TBCE: variants seen among roughly 807,000 people sequenced by gnomAD.
TBCE encodes the protein tubulin-specific chaperone E.
TBCE carries 53 observed loss-of-function variants against 77.0 expected under a neutral mutation model. The ratio of observed to expected loss-of-function variants is 0.69; its 90% CI spans 0.55 to 0.87. The LOEUF is 0.87. TBCE is among the 40% of genes least tolerant of loss of function. The probability of loss-of-function intolerance (pLI) is 0.00; values close to 1 mark genes in which losing one functional copy is unlikely to be tolerated. For missense variants in TBCE, 624 were observed against 622.4 expected (o/e 1.00, Z -0.03); for synonymous variants, 235 against 241.3 (o/e 0.97, Z 0.24).
At position 235,441,815 on chromosome 1, in the gene TBCE, A is replaced by G. The variant is rs1476074749; in HGVS notation, c.1272A>G (p.Lys424=). ...CATCTCTTTTGCTTTCTTAAACAGA[A>G]TATGGTGCACCTGAAGATTGGGAAC... is the stretch of plus-strand genomic sequence containing the variant. ...AHPRYQFLCL[K]YGAPEDWELK... Residue 424 remains lysine, a splice_region_variant and synonymous_variant, in exon 14 of 17, where the codon AAA becomes AAG. Transcript: ENST00000642610. 1 of 1,613,894 alleles carries G rather than the reference A, an allele frequency of 6.2e-7. No individual in the cohort carries two copies. The highest frequency in any genetic ancestry group is 8.5e-7 in the Non-Finnish European group (1 of 1,179,868).
At chr1:235,404,881 C>G (rs1302497782) in intron 3 of TBCE, among the ~76,000 whole-genome samples, 1 of 151,436 alleles carries the variant, frequency 6.6e-6, no homozygotes, top group Non-Finnish European at 1.5e-5. Flanking sequence ...AGGCTGGTGT[C>G]GAACCCCTGA....
intron 2 of TBCE, among the ~76,000 whole-genome samples, chr1:235,395,548 C>CTTT (rs71174424): frequency 2.2e-5 from 3 of 138,388 alleles, no homozygotes; most frequent in Non-Finnish European, 3.1e-5. Flanking sequence ...TCTTCTTCTT[C>CTTT]TTTTTTTTTT....
At chr1:235,403,144 T>G (rs1186082624) in intron 3 of TBCE, among the ~76,000 whole-genome samples, 1 of 152,182 alleles carries the variant, frequency 6.6e-6, no homozygotes, top group Non-Finnish European at 1.5e-5. Flanking sequence ...GAGAAATATT[T>G]TAGCCAGGCC....
chr1:235,434,041 C>T lies in TBCE; in HGVS notation c.661-163C>T. 7.0e-6 allele frequency: 5 copies of T among 714,290 alleles called. No individual in the cohort carries two copies. In the Admixed American group the frequency reaches 7.9e-5, roughly 11 times the overall value. 44.2% of individuals were successfully genotyped at this position (714,290 alleles called of 1,614,324 possible). On this transcript the variant is annotated intron_variant, in intron 7 of 16. Coordinates refer to ENST00000642610, the MANE Select transcript of TBCE (RefSeq NM_003193.5). Reference sequence around the variant, plus strand: ...ACCCCCTTAACATTTTATTTATCACCCCCCACCACTATTCCAGGCCTGAAA... The same window carrying T: ...ACCCCCTTAACATTTTATTTATCACTCCCCACCACTATTCCAGGCCTGAAA...
In TBCE at chr1:235,419,888, A is replaced by C. The variant is rs4659523; in HGVS notation, c.460+327A>C. ...GGATCACGAGGTTAGGAGATCGAGAACATCCTGGCCAACATGGTGAAACCT... is the reference window on the plus strand; with the variant it reads ...GGATCACGAGGTTAGGAGATCGAGACCATCCTGGCCAACATGGTGAAACCT... On this transcript the variant is annotated intron_variant, in intron 5 of 16. Transcript: ENST00000642610. Among the ~76,000 whole-genome samples, 110,811 of 151,832 alleles carry C rather than the reference A, an allele frequency of 0.73. 41,683 individuals are homozygous for C. Among genetic ancestry groups the C allele is most frequent in the African/African-American group, 0.92 (38,325 of 41,452 alleles).
intron 1 of TBCE, among the ~76,000 whole-genome samples, chr1:235,379,197 G>A (rs1677469563): frequency 6.6e-6 from 1 of 151,706 alleles, no homozygotes; most frequent in African/African-American, 2.4e-5. Context: ...CTACTTTCAT[G>A]CTATCAGTTA....
intron 15 of TBCE, among the ~76,000 whole-genome samples, chr1:235,445,593 G>A (rs903232123): frequency 6.6e-6 from 1 of 152,118 alleles, no homozygotes; most frequent in Non-Finnish European, 1.5e-5. Context: ...CTGTGATTGA[G>A]CCACTGCAAT....
intron 3 of TBCE, among the ~76,000 whole-genome samples, chr1:235,410,249 A>G (rs913937257): frequency 1.3e-5 from 2 of 152,024 alleles, no homozygotes; most frequent in African/African-American, 4.8e-5. Context: ...TCTATCTCCA[A>G]AAAAAATTAT....
chr1:235,376,967 T>TA (rs938542267), intron 1 of TBCE, among the ~76,000 whole-genome samples: 65 of 146,834 alleles, frequency 4.4e-4, no homozygotes, highest in Middle Eastern at 3.6e-3. Flanking sequence ...CCGTCTCAAT[T>TA]AAAAAAAAAA....
chr1:235,402,441 G>A (rs970840130), intron 3 of TBCE, among the ~76,000 whole-genome samples: 23 of 152,134 alleles, frequency 1.5e-4, no homozygotes, highest in African/African-American at 5.1e-4. Flanking sequence ...GGGTGCTGGG[G>A]AGCCTTCAGG....
chr1:235,413,847 GAT>G (rs1491122288), intron 3 of TBCE: 2 of 122,422 alleles, frequency 1.6e-5, no homozygotes, highest in Admixed American at 9.3e-5. Flanking sequence ...ATCCACCTAC[GAT>G]TTTTTTTTTT....
intron 2 of TBCE, among the ~76,000 whole-genome samples, chr1:235,392,899 C>T (rs1164355131): frequency 1.3e-5 from 2 of 151,850 alleles, no homozygotes; most frequent in Non-Finnish European, 2.9e-5. Context: ...GGCCTGTAGT[C>T]CCAGCTACTG....
chr1:235,445,460 C>T (rs1376624916), intron 15 of TBCE, among the ~76,000 whole-genome samples: 2 of 152,070 alleles, frequency 1.3e-5, no homozygotes, highest in Non-Finnish European at 2.9e-5. Flanking sequence ...GAAACCCCGT[C>T]TCTACAAAAA....
intron 4 of TBCE, chr1:235,415,362 G>A (rs905100808): frequency 1.3e-5 from 2 of 152,250 alleles, no homozygotes; most frequent in Non-Finnish European, 2.9e-5. Context: ...TGTACAAGGA[G>A]GCTTTCTAGT....
intron 3 of TBCE, among the ~76,000 whole-genome samples, chr1:235,402,077 T>C (rs925162764): frequency 1.3e-5 from 2 of 150,680 alleles, no homozygotes; most frequent in Non-Finnish European, 3.0e-5. Flanking sequence ...TTTTTTTTTT[T>C]TTTTTGAGAC....
At chr1:235,389,727 T>C (rs1331565193) in intron 2 of TBCE, among the ~76,000 whole-genome samples, 2 of 152,198 alleles carry the variant, frequency 1.3e-5, no homozygotes, top group African/African-American at 4.8e-5. Context: ...CTTCACTGGA[T>C]GTTGTAGAGC....
At chr1:235,388,157 T>C (rs1313510951) in intron 2 of TBCE, among the ~76,000 whole-genome samples, 2 of 152,154 alleles carry the variant, frequency 1.3e-5, no homozygotes, top group Non-Finnish European at 1.5e-5. Flanking sequence ...AACCTTAAAA[T>C]ATAGATGTTA....
intron 2 of TBCE, among the ~76,000 whole-genome samples, chr1:235,389,790 G>T (rs746406024): frequency 6.6e-6 from 1 of 151,958 alleles, no homozygotes; most frequent in Non-Finnish European, 1.5e-5. Flanking sequence ...CCAGTTAATC[G>T]TGCATATTGT....
chr1:235,411,693 A>C (rs1679790717), intron 3 of TBCE, among the ~76,000 whole-genome samples: 2 of 152,148 alleles, frequency 1.3e-5, no homozygotes, highest in Non-Finnish European at 2.9e-5. Flanking sequence ...GAAACAAATC[A>C]CTGATGTGTG....
Sources: allele counts gnomAD v4.1 joint callset (sites outside exome capture counted in the v4.1 genomes callset), GRCh38; gene constraint gnomAD v4.1.1; transcripts MANE v1.5; gene names NCBI Gene and HGNC (gene_info 2026-07-23, HGNC 2026-07-21).